Variants in TAB2 observed in about 807,000 individuals in gnomAD.
TAB2 encodes the protein TGF-beta activated kinase 1 (MAP3K7) binding protein 2.
Under a neutral mutation model 65.0 loss-of-function variants are expected in TAB2, and 3 were observed. The observed-to-expected ratio is 0.05, with a 90% confidence interval of 0.02 to 0.12. TAB2 has a LOEUF of 0.12. Ranked by LOEUF, TAB2 falls within the 10% of genes least tolerant of loss-of-function variation. The probability of loss-of-function intolerance (pLI) is 1.00; values close to 1 mark genes in which losing one functional copy is unlikely to be tolerated. For missense variants in TAB2, 623 were observed against 840.3 expected (o/e 0.74, Z 3.20); for synonymous variants, 298 against 285.1 (o/e 1.05, Z -0.46).
intron 1 of TAB2, among the ~76,000 whole-genome samples, chr6:149,281,645 A>T (rs1239979093): frequency 1.3e-5 from 2 of 151,826 alleles, no homozygotes; most frequent in Non-Finnish European, 2.9e-5. Context: ...ACATGGCACA[A>T]ATAGAAAACA....
intron 1 of TAB2, among the ~76,000 whole-genome samples, chr6:149,267,040 C>A (rs1277824552): frequency 6.6e-6 from 1 of 152,022 alleles, no homozygotes; most frequent in African/African-American, 2.4e-5. Context: ...AGGCTTCCTG[C>A]AATGCGGGAA....
chr6:149,226,199 C>T (rs1023148767), intron 1 of TAB2, among the ~76,000 whole-genome samples: 10 of 152,246 alleles, frequency 6.6e-5, no homozygotes, highest in African/African-American at 2.2e-4. Flanking sequence ...TGGTATAGCT[C>T]GGGCACCTGG....
intron 1 of TAB2, among the ~76,000 whole-genome samples, chr6:149,337,782 TACAC>T (rs1301769674): frequency 2.7e-5 from 4 of 150,732 alleles, no homozygotes; most frequent in Non-Finnish European, 4.5e-5. Flanking sequence ...ATACTATACT[TACAC>T]AGAGGGTGGG....
rs548538515 is a variant in TAB2 at position 149,272,763 on chromosome 6, C to T, written c.-121+53987C>T. Among the ~76,000 whole-genome samples, 109 of 152,324 alleles carry T rather than the reference C, an allele frequency of 7.2e-4. 1 individual carries two copies. The highest frequency in any genetic ancestry group is 2.4e-3 in the African/African-American group (100 of 41,580). On this transcript the variant is annotated intron_variant, in intron 1 of 1. Transcript: ENST00000606202. ...GGGAGACATTATTCTGCATCCCTTA[C>T]CAGTTCATGGGATTTTTAGACTTGA...
Position 149,345,296 on chromosome 6 carries a change from T to C in TAB2, c.-89-24613T>C, listed in dbSNP as rs1780257981. Among the ~76,000 whole-genome samples the C allele has an allele frequency of 2.6e-5, 4 of 152,162 alleles. No homozygotes were observed. In the South Asian group the frequency reaches 8.3e-4, roughly 32 times the overall value. ...ACATATATAAATTCATAAGTAACAT[T>C]TAAGTTAGAAAGTAACTGTAAATCT... is the stretch of plus-strand genomic sequence containing the variant. On this transcript the variant is annotated intron_variant, in intron 1 of 6. Transcript: ENST00000637181.
chr6:149,400,563 A>T (rs746911325), intron 6 of TAB2: 1 of 1,614,260 alleles, frequency 6.2e-7, no homozygotes, highest in Non-Finnish European at 8.5e-7. Context: ...AGTGAAGCAG[A>T]TCAGATTCCG....
At position 149,411,055 on chromosome 6, in the gene TAB2, A is replaced by G. The variant is rs1782841062; in HGVS notation, c.*1336A>G. The G allele has an allele frequency of 6.6e-6, 1 of 152,666 alleles. No individual in the cohort carries two copies. The highest frequency in any genetic ancestry group is 2.4e-5 in the African/African-American group (1 of 41,460). 9.5% of individuals were successfully genotyped at this position (152,666 alleles called of 1,614,324 possible). A position where few individuals can be genotyped will look rare whatever the true frequency, so the allele number is the denominator to read the frequency against. On this transcript the variant is annotated 3_prime_UTR_variant, in exon 7 of 7. Transcript: ENST00000637181. ...AAACTTGAACACTGAAGCAACCTCA[A>G]GCATCTCTTTATTTTGATGATATAT...
chr6:149,255,857 G>A (rs1229239537), intron 1 of TAB2, among the ~76,000 whole-genome samples: 2 of 152,214 alleles, frequency 1.3e-5, no homozygotes, highest in Non-Finnish European at 2.9e-5. Flanking sequence ...GAAAGAGAAA[G>A]AAGAACCAGG....
chr6:149,309,918 A>G (rs963819067), intron 1 of TAB2, among the ~76,000 whole-genome samples: 1 of 151,560 alleles, frequency 6.6e-6, no homozygotes, highest in African/African-American at 2.4e-5. Flanking sequence ...TCCTTTCTTT[A>G]CAGCAATCAT....
At chr6:149,221,464 A>G (rs1017596825) in intron 1 of TAB2, among the ~76,000 whole-genome samples, 8 of 152,194 alleles carry the variant, frequency 5.3e-5, no homozygotes, top group Non-Finnish European at 1.2e-4. Flanking sequence ...CAACCCAGTA[A>G]AAAAGGCAAA....
rs1322697700 is a variant in TAB2 at position 149,358,303 on chromosome 6, A to AT, written c.-89-11602dup. On this transcript the variant is annotated intron_variant, in intron 1 of 6. Coordinates refer to ENST00000637181, the MANE Select transcript of TAB2 (RefSeq NM_001292034.3). ...CCTTAATACGCATAGCCTGAAGGTA[A>AT]TTTTATACAGTATTTTACATTATTC... 5.9e-5 allele frequency among the ~76,000 whole-genome samples: 9 copies of AT among 152,000 alleles called. No homozygotes were observed. In the East Asian group the frequency reaches 1.5e-3, roughly 26 times the overall value.
intron 1 of TAB2, among the ~76,000 whole-genome samples, chr6:149,337,694 C>T (rs1381192641): frequency 1.3e-5 from 2 of 152,150 alleles, no homozygotes; most frequent in Non-Finnish European, 2.9e-5. Flanking sequence ...TATTATTTAT[C>T]TGTTTCAGTT....
At chr6:149,231,072 C>G (rs372903231) in intron 1 of TAB2, among the ~76,000 whole-genome samples, 48 of 152,322 alleles carry the variant, frequency 3.2e-4, no homozygotes, top group African/African-American at 1.1e-3. Context: ...GAAAGCAGGT[C>G]TCTCTGCCTT....
rs976134020 is a variant in TAB2, at chr6:149,317,788, T to TGGC, written c.-304_-302dup. 7.5e-5 allele frequency: 12 copies of TGGC among 159,068 alleles called. 1 individual carries two copies. The South Asian group carries it at 8.7e-4, about 12-fold the overall frequency. 9.9% of individuals were successfully genotyped at this position (159,068 alleles called of 1,614,324 possible). A position where few individuals can be genotyped will look rare whatever the true frequency, so the allele number is the denominator to read the frequency against. Reference sequence around the variant, plus strand: ...TCCCCTCCCCCTCAGCCAGGAGCGGTGGCGGCGGCGGCGGCCGGAGGGAGT... The same window carrying TGGC: ...TCCCCTCCCCCTCAGCCAGGAGCGGTGGCGGCGGCGGCGGCGGCCGGAGGGAGT... On this transcript the variant is annotated 5_prime_UTR_variant, in exon 1 of 7. Coordinates refer to ENST00000637181, the MANE Select transcript of TAB2 (RefSeq NM_001292034.3). The surrounding 1 kb of genome is among the most constrained non-coding windows in gnomAD (Gnocchi z 4.7).
At chr6:149,407,384 A>C (rs1371216110) in intron 6 of TAB2, among the ~76,000 whole-genome samples, 1 of 152,192 alleles carries the variant, frequency 6.6e-6, no homozygotes, top group Admixed American at 6.5e-5. Context: ...CTGTTATTTC[A>C]CATAAGTGAA....
chr6:149,262,468 G>A (rs1365718963), intron 1 of TAB2, among the ~76,000 whole-genome samples: 1 of 152,090 alleles, frequency 6.6e-6, no homozygotes. Flanking sequence ...AGGAGGCGGA[G>A]GTTGCAGTGA....
intron 1 of TAB2, among the ~76,000 whole-genome samples, chr6:149,265,323 G>A (rs1009159026): frequency 1.3e-5 from 2 of 151,684 alleles, no homozygotes; most frequent in African/African-American, 2.4e-5. Flanking sequence ...GAATTTGTTT[G>A]AGGTTAAGGA....
chr6:149,357,430 A>AAAAAACACACACACACAC lies in TAB2; in HGVS notation c.-89-12478_-89-12477insAAAACACACACACACACA. On this transcript the variant is annotated intron_variant, in intron 1 of 6. Transcript: ENST00000637181. ...GACTCCGTCTCAAGGAGAAAAAAAA[A>AAAAAACACACACACACAC]ACACACACACACACACACACACACA... Among the ~76,000 whole-genome samples, 177 of 111,134 alleles carry AAAAAACACACACACACAC rather than the reference A, an allele frequency of 1.6e-3. 2 individuals carry two copies. Among genetic ancestry groups the AAAAAACACACACACACAC allele is most frequent in the Non-Finnish European group, 2.2e-3 (123 of 56,006 alleles). The allele number at this position is 111,134 out of a possible 152,430, so 72.9% of individuals were successfully genotyped here. A position where few individuals can be genotyped will look rare whatever the true frequency, so the allele number is the denominator to read the frequency against.
intron 3 of TAB2, among the ~76,000 whole-genome samples, chr6:149,386,307 G>C (rs934864060): frequency 1.1e-4 from 16 of 152,096 alleles, no homozygotes; most frequent in African/African-American, 3.1e-4. Flanking sequence ...TTGAGATATA[G>C]TTAATATACA....
Sources: gnomAD v4.1 joint callset for allele counts (sites outside exome capture counted in the v4.1 genomes callset) on GRCh38, gnomAD v4.1.1 for gene constraint, Gnocchi (gnomAD v3.1) non-coding constraint, MANE v1.5 for transcripts, NCBI Gene and HGNC (gene_info 2026-07-23, HGNC 2026-07-21) for gene names.